Variants in PXDNL observed in about 807,000 individuals in gnomAD.
PXDNL encodes the protein probable oxidoreductase PXDNL.
PXDNL carries 145 observed loss-of-function variants against 150.8 expected under a neutral mutation model. That is an observed-to-expected ratio of 0.96 (90% CI 0.84 to 1.10). The LOEUF (loss-of-function observed/expected upper bound fraction) is 1.10. Among genes scored for constraint, PXDNL ranks in the 50% least tolerant of loss-of-function variants. PXDNL has a pLI of 0.00. For missense variants in PXDNL, 2,087 were observed against 1,873.9 expected, an observed-to-expected ratio of 1.11 and a Z score of -2.10; for synonymous variants, 757 against 725.7, an observed-to-expected ratio of 1.04 and a Z score of -0.69.
At chr8:51,332,359 G>A (rs1393635272) in intron 21 of PXDNL, among the ~76,000 whole-genome samples, 4 of 152,158 alleles carry the variant, frequency 2.6e-5, no homozygotes, top group Non-Finnish European at 4.4e-5. Context: ...CCCTCTGACA[G>A]AGCCCACTCA....
At chr8:51,516,766 T>C (rs1278668203) in intron 4 of PXDNL, among the ~76,000 whole-genome samples, 1 of 152,184 alleles carries the variant, frequency 6.6e-6, no homozygotes, top group Non-Finnish European at 1.5e-5. Context: ...AGGGCCCCTT[T>C]AACTGTTTCC....
intron 2 of PXDNL, among the ~76,000 whole-genome samples, chr8:51,644,992 G>A (rs567187810): frequency 1.9e-4 from 29 of 152,106 alleles, no homozygotes; most frequent in African/African-American, 7.0e-4. Flanking sequence ...GATTTACACA[G>A]GAATTGCCTC....
At chr8:51,365,261 C>T (rs1168265540) in intron 19 of PXDNL, among the ~76,000 whole-genome samples, 1 of 152,184 alleles carries the variant, frequency 6.6e-6, no homozygotes, top group Non-Finnish European at 1.5e-5. Context: ...ACTTTAAATG[C>T]TCCTTTGAAA....
chr8:51,404,143 T>C (rs1287504332), intron 17 of PXDNL, among the ~76,000 whole-genome samples: 1 of 152,222 alleles, frequency 6.6e-6, no homozygotes, highest in African/African-American at 2.4e-5. Flanking sequence ...GGTGAGTGTT[T>C]CAGCTCATAA....
At chr8:51,367,724 A>G (rs1806965031) in intron 19 of PXDNL, among the ~76,000 whole-genome samples, 1 of 152,216 alleles carries the variant, frequency 6.6e-6, no homozygotes, top group Non-Finnish European at 1.5e-5. Flanking sequence ...GAGGAAATTT[A>G]TGAAAAAAAA....
intron 2 of PXDNL, among the ~76,000 whole-genome samples, chr8:51,613,490 G>GA (rs5891423): frequency 8.1e-6 from 1 of 123,568 alleles, no homozygotes; most frequent in Non-Finnish European, 1.7e-5. Context: ...GGGGCGGGGG[G>GA]GGGGCAGGGC....
At chr8:51,381,874 A>G (rs536839138) in intron 17 of PXDNL, among the ~76,000 whole-genome samples, 12 of 152,012 alleles carry the variant, frequency 7.9e-5, no homozygotes, top group Non-Finnish European at 1.5e-4. Flanking sequence ...AAAAATAGAA[A>G]CACTAATGAC....
intron 21 of PXDNL, among the ~76,000 whole-genome samples, chr8:51,336,622 A>G (rs1312826685): frequency 1.3e-5 from 2 of 152,204 alleles, no homozygotes; most frequent in Admixed American, 1.3e-4. Context: ...GGAAATCTGC[A>G]GTTTATCATT....
chr8:51,392,540 T>G (rs1357228446), intron 17 of PXDNL, among the ~76,000 whole-genome samples: 1 of 144,998 alleles, frequency 6.9e-6, no homozygotes, highest in African/African-American at 2.9e-5. Context: ...GCTCTCTGTT[T>G]GTCTGTTATT....
rs549877634 is a variant in PXDNL at position 51,557,159 on chromosome 8, G to T, written c.309-248C>A. On this transcript the variant is annotated intron_variant, in intron 3 of 22. Transcript: ENST00000356297. ...TTAAGAAACATAGAGTATTTGTGGAGAAATTCTGACTAATGGAGTCATATA... is the reference window on the plus strand; with the variant it reads ...TTAAGAAACATAGAGTATTTGTGGATAAATTCTGACTAATGGAGTCATATA... Among the ~76,000 whole-genome samples the T allele has an allele frequency of 5.3e-5, 8 of 152,216 alleles. No individual in the cohort carries two copies. In the South Asian group the frequency reaches 1.2e-3, roughly 24 times the overall value.
At chr8:51,656,411 A>G (rs1415026699) in intron 1 of PXDNL, among the ~76,000 whole-genome samples, 1 of 152,190 alleles carries the variant, frequency 6.6e-6, no homozygotes, top group East Asian at 1.9e-4. Flanking sequence ...TGTCTAGACT[A>G]TATCAGTAAA....
chr8:51,330,411 C>A (rs1220345757), intron 21 of PXDNL, among the ~76,000 whole-genome samples: 1 of 152,110 alleles, frequency 6.6e-6, no homozygotes, highest in Non-Finnish European at 1.5e-5. Flanking sequence ...TGTGGCTATT[C>A]AGCATCCCTT....
chr8:51,425,160 T>G (rs1402229517), intron 13 of PXDNL, among the ~76,000 whole-genome samples: 2 of 152,224 alleles, frequency 1.3e-5, no homozygotes, highest in Non-Finnish European at 2.9e-5. Flanking sequence ...AAATATTCGC[T>G]TGGAGTCTCA....
chr8:51,761,003 C>G (rs1425532551), intron 1 of PXDNL, among the ~76,000 whole-genome samples: 2 of 147,180 alleles, frequency 1.4e-5, no homozygotes, highest in African/African-American at 2.5e-5. Flanking sequence ...GTTCGACAGG[C>G]GCCCGCCACA....
At chr8:51,671,522 A>C (rs1434298952) in intron 1 of PXDNL, among the ~76,000 whole-genome samples, 1 of 152,218 alleles carries the variant, frequency 6.6e-6, no homozygotes, top group East Asian at 1.9e-4. Context: ...AAAATTAAAC[A>C]TTCTACCACC....
At chr8:51,506,540 CAAAAAAA>C (rs11312240) in intron 4 of PXDNL, among the ~76,000 whole-genome samples, 1 of 67,500 alleles carries the variant, frequency 1.5e-5, no homozygotes, top group Non-Finnish European at 2.3e-5. Context: ...GACTCTGTCT[CAAAAAAA>C]AAAAAAAAAA....
At chr8:51,510,277 G>T (rs938367938) in intron 4 of PXDNL, among the ~76,000 whole-genome samples, 3 of 152,130 alleles carry the variant, frequency 2.0e-5, no homozygotes, top group African/African-American at 7.2e-5. Flanking sequence ...CCCATCGAGA[G>T]CATGATCTTA....
chr8:51,433,902 C>T (rs1809321958), intron 12 of PXDNL, among the ~76,000 whole-genome samples: 1 of 152,070 alleles, frequency 6.6e-6, no homozygotes, highest in South Asian at 2.1e-4. Flanking sequence ...TTCAATGTCA[C>T]ACCTTAATGA....
intron 4 of PXDNL, among the ~76,000 whole-genome samples, chr8:51,534,768 G>A (rs1812022637): frequency 7.5e-6 from 1 of 133,550 alleles, no homozygotes; most frequent in African/African-American, 3.0e-5. Context: ...CCCCCGCCCG[G>A]CCAGCCGCCC....
Sources: allele counts gnomAD v4.1 joint callset (sites outside exome capture counted in the v4.1 genomes callset), GRCh38; gene constraint gnomAD v4.1.1; transcripts MANE v1.5; gene names NCBI Gene and HGNC (gene_info 2026-07-23, HGNC 2026-07-21).